KIF21B: variants seen among roughly 807,000 people sequenced by gnomAD.
The protein encoded by KIF21B is kinesin-like protein KIF21B.
KIF21B carries 85 observed loss-of-function variants against 192.9 expected under a neutral mutation model. The ratio of observed to expected loss-of-function variants is 0.44; its 90% CI spans 0.37 to 0.53. The LOEUF is 0.53. KIF21B is among the 20% of genes least tolerant of loss of function. KIF21B has a pLI of 0.00. For missense variants in KIF21B, 1,716 were observed against 2,194.8 expected (o/e 0.78, Z 4.36); for synonymous variants, 832 against 884.6 (o/e 0.94, Z 1.05).
intron 14 of KIF21B, among the ~76,000 whole-genome samples, chr1:200,997,560 T>G (rs954545091): frequency 1.3e-5 from 2 of 152,186 alleles, no homozygotes; most frequent in African/African-American, 4.8e-5. Flanking sequence ...CTGGCCAATA[T>G]AGTGAAACCC....
In KIF21B at chr1:200,998,815, C is replaced by T. The variant is rs1477243283; in HGVS notation, c.1886-240G>A. ...CAGGAGCTGGCAGGGGGGATCTACA[C>T]GTCCTTCCCAGCCATTCGAGGCCAG... On this transcript the variant is annotated intron_variant, in intron 13 of 34. Transcript: ENST00000461742. This position sits in a 1 kb window ranked among gnomAD's most constrained non-coding sequence, Gnocchi z 4.3. Among the ~76,000 whole-genome samples the T allele has an allele frequency of 2.0e-5, 3 of 152,122 alleles. No homozygotes were observed. Among genetic ancestry groups the T allele is most frequent in the East Asian group, 1.9e-4 (1 of 5,190 alleles).
intron 1 of KIF21B, among the ~76,000 whole-genome samples, chr1:201,014,539 G>A (rs1194216638): frequency 6.6e-6 from 1 of 152,194 alleles, no homozygotes; most frequent in East Asian, 1.9e-4. Context: ...CTGGGAGCCC[G>A]CACCCTCTCC....
chr1:200,988,783 A>G lies in KIF21B; in HGVS notation c.3281T>C (p.Ile1094Thr). 1 of 1,613,606 alleles carries G rather than the reference A, an allele frequency of 6.2e-7. No homozygotes were observed. Among genetic ancestry groups the G allele is most frequent in the Non-Finnish European group, 8.5e-7 (1 of 1,179,742 alleles). ...AEAHPELQAL[I>T]YNVQQENGYA... ...ACCCGTACCCTGCTGCACATTGTAG[A>G]TGAGGGCCTGCAGCTCGGGGTGAGC... Residue 1094 changes from isoleucine to threonine, a missense_variant, in exon 22 of 35, where the codon ATC (isoleucine) becomes ACC (threonine). Ile to Thr is a moderately conservative substitution (Grantham distance 89). Transcript: ENST00000461742.
In KIF21B at chr1:201,017,357, T is replaced by C. The variant is rs569775580; in HGVS notation, c.41+5986A>G. Among the ~76,000 whole-genome samples, 2 of 152,308 alleles carry C rather than the reference T, an allele frequency of 1.3e-5. No individual in the cohort carries two copies. Among genetic ancestry groups the C allele is most frequent in the Non-Finnish European group, 2.9e-5 (2 of 68,010 alleles). On this transcript the variant is annotated intron_variant, in intron 1 of 34. Transcript: ENST00000461742. The surrounding 1 kb of genome is among the most constrained non-coding windows in gnomAD (Gnocchi z 4.1). Reference sequence around the variant, plus strand: ...CTGTGAGCAGGAGCCAGGAACTTCCTGGGCCAGGGTCGGACTCCTCCATCT... The same window carrying C: ...CTGTGAGCAGGAGCCAGGAACTTCCCGGGCCAGGGTCGGACTCCTCCATCT...
chr1:201,015,688 G>A (rs973957333), intron 1 of KIF21B, among the ~76,000 whole-genome samples: 1 of 152,216 alleles, frequency 6.6e-6, no homozygotes, highest in Non-Finnish European at 1.5e-5. Context: ...TAAGCCCGGT[G>A]ATGGCTAGTC....
chr1:201,004,666 T>A (rs1450945569), intron 6 of KIF21B, 100 bp downstream of exon 6: 8 of 1,444,156 alleles, frequency 5.5e-6, no homozygotes, highest in Non-Finnish European at 7.7e-6. Flanking sequence ...ATTGGCAAGA[T>A]GTCCAAGGAG....
At position 200,990,826 on chromosome 1, in the gene KIF21B, C is replaced by T; in HGVS notation, c.2687+91G>A. On this transcript the variant is annotated intron_variant, in intron 18 of 34. Transcript: ENST00000461742. The surrounding 1 kb of genome is among the most constrained non-coding windows in gnomAD (Gnocchi z 5.4). ...GACAGCCACGGGGACCCGGAGCACT[C>T]CCCAGAGCTTCCCTCTTCCTCACCC... The T allele has an allele frequency of 6.3e-7, 1 of 1,594,736 alleles. No individual in the cohort carries two copies. The highest frequency in any genetic ancestry group is 1.1e-5 in the South Asian group (1 of 89,554).
chr1:200,986,977 T>C lies in KIF21B; in HGVS notation c.3614+19A>G, dbSNP rs368638538. The C allele has an allele frequency of 5.0e-6, 8 of 1,613,592 alleles. No homozygotes were observed. Among genetic ancestry groups the C allele is most frequent in the East Asian group, 4.5e-5 (2 of 44,854 alleles). ...AACTCCACCTCCACTCCAACCCACA[T>C]TCCTGCTCCCATCCTTACAAAGTGC... On this transcript the variant is annotated intron_variant, in intron 25 of 34. Transcript: ENST00000461742.
At chr1:200,983,151 G>T in intron 27 of KIF21B, 57 bp from the exon 28 acceptor site, 2 of 1,446,600 alleles carry the variant, frequency 1.4e-6, no homozygotes, top group Non-Finnish European at 1.9e-6. Flanking sequence ...CACACAGAGG[G>T]ACGCAGAGGC....
rs1332126459 is a variant in KIF21B, at chr1:200,982,341, G to T, written c.3842+715C>A. The stretch of plus-strand genomic sequence containing the variant: ...CGACACTCAGGGCTGGAGGCTCGAG[G>T]AGCTGAGACAGCCCACCAGGAGAGC... On this transcript the variant is annotated intron_variant, in intron 28 of 34. Coordinates refer to ENST00000461742, the MANE Select transcript of KIF21B (RefSeq NM_001252102.2). This position sits in a 1 kb window ranked among gnomAD's most constrained non-coding sequence, Gnocchi z 4.7. 6.6e-6 allele frequency among the ~76,000 whole-genome samples: 1 copy of T among 152,176 alleles called. No individual in the cohort carries two copies. Among genetic ancestry groups the T allele is most frequent in the Admixed American group, 6.5e-5 (1 of 15,274 alleles).
chr1:200,985,133 T>C (rs1656202350), intron 26 of KIF21B, among the ~76,000 whole-genome samples, 161 bp from the exon 27 acceptor site: 1 of 152,176 alleles, frequency 6.6e-6, no homozygotes, highest in Admixed American at 6.5e-5. Flanking sequence ...CTGGATGCTG[T>C]CTTTAAACAT....
In KIF21B at chr1:200,972,624, G is replaced by A. The variant is rs1179029933; in HGVS notation, c.*897C>T. 2 of 152,916 alleles carry A rather than the reference G, an allele frequency of 1.3e-5. No individual in the cohort carries two copies. Among genetic ancestry groups the A allele is most frequent in the Admixed American group, 6.5e-5 (1 of 15,288 alleles). The allele number at this position is 152,916 out of a possible 1,614,324, so 9.5% of individuals were successfully genotyped here. A position where few individuals can be genotyped will look rare whatever the true frequency, so the allele number is the denominator to read the frequency against. ...GAACGGAGGAAGGCACTGAGCGTCAGGCGGCCTAGAGGCCAGGGGTAGCTA... is the reference window on the plus strand; with the variant it reads ...GAACGGAGGAAGGCACTGAGCGTCAAGCGGCCTAGAGGCCAGGGGTAGCTA... On this transcript the variant is annotated 3_prime_UTR_variant, in exon 35 of 35. Transcript: ENST00000461742.
At chr1:200,987,519 C>T (rs774351689) in intron 24 of KIF21B, among the ~76,000 whole-genome samples, 7 of 152,178 alleles carry the variant, frequency 4.6e-5, no homozygotes, top group Non-Finnish European at 7.3e-5. Context: ...GCTGGGATTA[C>T]AGGCATGAGC....
intron 3 of KIF21B, among the ~76,000 whole-genome samples, chr1:201,007,085 CACAGAG>C (rs1395104998): frequency 1.3e-5 from 2 of 149,038 alleles, no homozygotes; most frequent in Non-Finnish European, 3.0e-5. Context: ...GACACACACA[CACAGAG>C]ACAGACACAC....
chr1:200,974,616 G>T (rs1655421065), intron 34 of KIF21B, 98 bp downstream of exon 34: 1 of 1,294,900 alleles, frequency 7.7e-7, no homozygotes, highest in Admixed American at 1.8e-5. Context: ...AACCGAGCCT[G>T]CGGGGACAAC....
intron 34 of KIF21B, chr1:200,974,055 G>A: frequency 6.2e-7 from 1 of 1,604,094 alleles, no homozygotes; most frequent in Non-Finnish European, 8.5e-7. Flanking sequence ...AAAGGAAAGA[G>A]GGGAAGAATG....
chr1:201,002,875 T>C (rs1657575808), intron 8 of KIF21B: 1 of 156,742 alleles, frequency 6.4e-6, no homozygotes, highest in African/African-American at 2.4e-5. Context: ...GACAACTACG[T>C]TGTATTCTTT....
rs1382330101 is a variant in KIF21B, at chr1:200,974,717, G to A, written c.4811C>T (p.Ser1604Phe). The A allele has an allele frequency of 1.9e-6, 3 of 1,614,068 alleles. No individual in the cohort carries two copies. The highest frequency in any genetic ancestry group is 2.5e-6 in the Non-Finnish European group (3 of 1,180,010). ...GACCTCTCTGACCAGCACCCACCTG[G>A]AGGCTGTGAAGATATGCTTGGCATT... Reference protein sequence around the residue: ...CTNAKHIFTASSDLTVKFWSV... With the variant: ...CTNAKHIFTAFSDLTVKFWSV... Residue 1604 changes from serine to phenylalanine, a missense_variant, in exon 34 of 35, where the codon TCC (serine) becomes TTC (phenylalanine). By Grantham distance (155) the Ser-to-Phe change is radical. Transcript: ENST00000461742.
rs377715913 is a variant in KIF21B at position 200,991,178 on chromosome 1, C to T, written c.2455-29G>A. 7.8e-5 allele frequency: 124 copies of T among 1,590,764 alleles called. 1 individual carries two copies. Among genetic ancestry groups the T allele is most frequent in the Non-Finnish European group, 9.8e-5 (114 of 1,164,384 alleles). ...GGGCAGCAGGGAGAAAAGAGGGAGC[C>T]GGTGAGCAGGGTGGCCTGGAGCCAC... On this transcript the variant is annotated intron_variant, in intron 17 of 34. Coordinates refer to ENST00000461742, the MANE Select transcript of KIF21B (RefSeq NM_001252102.2).
Sources: allele counts gnomAD v4.1 joint callset (sites outside exome capture counted in the v4.1 genomes callset), GRCh38; gene constraint gnomAD v4.1.1; non-coding constraint Gnocchi (gnomAD v3.1); transcripts MANE v1.5; gene names NCBI Gene and HGNC (gene_info 2026-07-23, HGNC 2026-07-21).